Variants in RBFOX3 observed in about 807,000 individuals in gnomAD.
The protein encoded by RBFOX3 is RNA binding fox-1 homolog 3, also known as RNA binding protein fox-1 homolog 3.
Under a neutral mutation model 48.7 loss-of-function variants are expected in RBFOX3, and 17 were observed. That is an observed-to-expected ratio of 0.35 (90% CI 0.24 to 0.52). RBFOX3 has a LOEUF of 0.52. Ranked by LOEUF, RBFOX3 falls within the 20% of genes least tolerant of loss-of-function variation. The pLI is 0.94. For synonymous variants in RBFOX3, 212 were observed against 209.5 expected (o/e 1.01, Z -0.10); for missense variants, 382 against 497.5 (o/e 0.77, Z 2.21).
At chr17:79,200,554 C>G (rs2056591989) in intron 4 of RBFOX3, among the ~76,000 whole-genome samples, 1 of 152,176 alleles carries the variant, frequency 6.6e-6, no homozygotes, top group South Asian at 2.1e-4. Context: ...AGCCAGGGAC[C>G]CCACACCACC....
chr17:79,598,537 G>GA (rs1264056213), intron 1 of RBFOX3: 1 of 152,124 alleles, frequency 6.6e-6, no homozygotes, highest in Non-Finnish European at 1.5e-5. Flanking sequence ...TGCAATGTTG[G>GA]AAAATCACAT....
At chr17:79,522,450 G>A (rs1043671364) in intron 1 of RBFOX3, among the ~76,000 whole-genome samples, 9 of 152,062 alleles carry the variant, frequency 5.9e-5, no homozygotes, top group South Asian at 4.2e-4. Context: ...CATCCCCACC[G>A]CACACCACCC....
chr17:79,417,250 C>A (rs576580922), intron 2 of RBFOX3, among the ~76,000 whole-genome samples: 1 of 152,234 alleles, frequency 6.6e-6, no homozygotes, highest in Admixed American at 6.5e-5. Flanking sequence ...CTCTCAGCCC[C>A]TCAGCCTCTC....
intron 4 of RBFOX3, among the ~76,000 whole-genome samples, chr17:79,164,197 C>G (rs904409956): frequency 6.6e-6 from 1 of 152,202 alleles, no homozygotes; most frequent in African/African-American, 2.4e-5. Context: ...CATGGCTGCA[C>G]CCCAGGTTCC....
At chr17:79,496,610 G>T (rs1043158736) in intron 1 of RBFOX3, among the ~76,000 whole-genome samples, 11 of 152,148 alleles carry the variant, frequency 7.2e-5, no homozygotes, top group Non-Finnish European at 1.5e-4. Context: ...GCGGTCCCTG[G>T]CCACCTTGAG....
chr17:79,451,731 C>T (rs946095070), intron 2 of RBFOX3, among the ~76,000 whole-genome samples: 1 of 152,202 alleles, frequency 6.6e-6, no homozygotes, highest in Non-Finnish European at 1.5e-5. Context: ...CCACTGGGTC[C>T]CCCGCAACCT....
intron 3 of RBFOX3, among the ~76,000 whole-genome samples, chr17:79,257,094 C>T (rs956774099): frequency 3.9e-5 from 6 of 152,162 alleles, no homozygotes; most frequent in Admixed American, 1.3e-4. Context: ...TGAGGTTCGA[C>T]TCACATCCTT....
chr17:79,442,369 G>A (rs1598718470), intron 2 of RBFOX3, among the ~76,000 whole-genome samples: 1 of 19,918 alleles, frequency 5.0e-5, no homozygotes, highest in Non-Finnish European at 1.3e-4. Flanking sequence ...GGGGGAGAGA[G>A]AGAGAGAGAG....
At chr17:79,596,644 G>C (rs1385229003) in intron 1 of RBFOX3, among the ~76,000 whole-genome samples, 1 of 152,192 alleles carries the variant, frequency 6.6e-6, no homozygotes, top group Non-Finnish European at 1.5e-5. Flanking sequence ...GCCATGCTAG[G>C]TGCTCTGGGA....
At chr17:79,463,797 C>T (rs2075931276) in intron 2 of RBFOX3, among the ~76,000 whole-genome samples, 1 of 151,074 alleles carries the variant, frequency 6.6e-6, no homozygotes, top group East Asian at 1.9e-4. Flanking sequence ...ACCACCATCT[C>T]CACTGCCACT....
At chr17:79,093,442 G>A (rs2074384997) in intron 14 of RBFOX3, among the ~76,000 whole-genome samples, 1 of 151,974 alleles carries the variant, frequency 6.6e-6, no homozygotes, top group Non-Finnish European at 1.5e-5. Flanking sequence ...GGGCCCAAGA[G>A]CCAGGGTATC....
intron 4 of RBFOX3, among the ~76,000 whole-genome samples, chr17:79,186,867 C>T (rs1399271513): frequency 6.6e-6 from 1 of 152,192 alleles, no homozygotes; most frequent in Non-Finnish European, 1.5e-5. Context: ...CTTCCTGCCC[C>T]CATCCTATGT....
At chr17:79,661,295 T>C in the RBFOX3 span, among the ~76,000 whole-genome samples, 2 of 152,206 alleles carry the variant, frequency 1.3e-5, no homozygotes, top group African/African-American at 4.8e-5. Flanking sequence ...TTGAAGATTT[T>C]TTTTAAAAAA....
rs1334848802 is a variant in RBFOX3 at position 79,111,931 on chromosome 17, G to C, written c.222+3563C>G. Among the ~76,000 whole-genome samples the C allele has an allele frequency of 6.6e-6, 1 of 152,244 alleles. No homozygotes were observed. The highest frequency in any genetic ancestry group is 1.5e-5 in the Non-Finnish European group (1 of 68,046). On this transcript the variant is annotated intron_variant, in intron 5 of 14. Transcript: ENST00000693108. This position sits in a 1 kb window ranked among gnomAD's most constrained non-coding sequence, Gnocchi z 4.2. The stretch of plus-strand genomic sequence containing the variant: ...CCCCTCATCGCACTCTGTACCCTTT[G>C]CTGCTTTTGTCCAGAGAAGGCAGGT...
chr17:79,132,297 G>A (rs989572095), intron 4 of RBFOX3, among the ~76,000 whole-genome samples: 4 of 152,058 alleles, frequency 2.6e-5, no homozygotes, highest in Non-Finnish European at 4.4e-5. Context: ...GGCAGAGGGC[G>A]TACGTAGAAG....
intron 4 of RBFOX3, among the ~76,000 whole-genome samples, chr17:79,224,757 T>C (rs1244205599): frequency 6.6e-6 from 1 of 152,216 alleles, no homozygotes. Context: ...ATCTGGTCAC[T>C]CTAATTGTAC....
intron 4 of RBFOX3, among the ~76,000 whole-genome samples, chr17:79,150,911 G>A (rs1440931238): frequency 2.6e-5 from 4 of 152,212 alleles, no homozygotes; most frequent in African/African-American, 9.6e-5. Flanking sequence ...AGCGCCGCCT[G>A]CGAGGGAGCC....
intron 4 of RBFOX3, among the ~76,000 whole-genome samples, chr17:79,137,185 CTG>C (rs766903638): frequency 7.2e-5 from 11 of 152,104 alleles, no homozygotes; most frequent in African/African-American, 4.8e-5. Flanking sequence ...CACGCAGCCT[CTG>C]TGCACACACG....
At chr17:79,525,805 T>C (rs929753840) in intron 1 of RBFOX3, among the ~76,000 whole-genome samples, 23 of 152,320 alleles carry the variant, frequency 1.5e-4, no homozygotes, top group African/African-American at 5.3e-4. Flanking sequence ...GATCAAAACA[T>C]TTTTTCTTTA....
Sources: gnomAD v4.1 joint callset for allele counts (sites outside exome capture counted in the v4.1 genomes callset) on GRCh38, gnomAD v4.1.1 for gene constraint, Gnocchi (gnomAD v3.1) non-coding constraint, MANE v1.5 for transcripts, NCBI Gene and HGNC (gene_info 2026-07-23, HGNC 2026-07-21) for gene names.